Variants in ACADVL observed in about 807,000 individuals in gnomAD.
ACADVL encodes very long-chain acyl-CoA dehydrogenase, mitochondrial.
In ACADVL, 73 loss-of-function variants were observed where a neutral mutation model predicts 80.4. The observed-to-expected ratio is 0.91, with a 90% CI of 0.75 to 1.10. The LOEUF is 1.10. ACADVL is among the 50% of genes least tolerant of loss of function. The probability of loss-of-function intolerance (pLI) is 0.00; values close to 1 mark genes in which losing one functional copy is unlikely to be tolerated. For missense variants in ACADVL, 878 were observed against 858.9 expected (o/e 1.02, Z -0.28); for synonymous variants, 392 against 326.5 (o/e 1.20, Z -2.16).
At chr17:7,217,707 T>A, upstream of ACADVL, 1 of 1,532,942 alleles carries the variant, frequency 6.5e-7, no homozygotes, top group Non-Finnish European at 8.7e-7. Flanking sequence ...ACTCCTTCTG[T>A]GCTGGCAGGA....
chr17:7,223,657 T>C lies in ACADVL; in HGVS notation c.1196T>C (p.Met399Thr). ...ATGCAACCTCAGTCCATGGCTTACA[T>C]GGTGAGTGCTAACATGGACCAGGGA... is the stretch of plus-strand genomic sequence containing the variant. ...LQYVTESMAY[M>T]VSANMDQGAT... The change falls in exon 12 of 20, where the codon ATG becomes ACG. Residue 399 changes from methionine to threonine, a missense_variant. Transcript: ENST00000356839. 5 of 1,614,074 alleles carry C rather than the reference T, an allele frequency of 3.1e-6. No individual in the cohort carries two copies. In the South Asian group the frequency reaches 3.3e-5, roughly 11 times the overall value.
chr17:7,220,757 C>T lies in ACADVL; in HGVS notation c.278-9C>T. On this transcript the variant is annotated splice_polypyrimidine_tract_variant and intron_variant, in intron 4 of 19. Coordinates refer to ENST00000356839, the MANE Select transcript of ACADVL (RefSeq NM_000018.4). ...CTGGCCTGACCAGCCTGTCCCCCAC[C>T]CTCTGCAGTGCTCAACGAAGAGCAG... The T allele has an allele frequency of 1.2e-6, 2 of 1,614,118 alleles. No individual in the cohort carries two copies. Among genetic ancestry groups the T allele is most frequent in the African/African-American group, 2.7e-5 (2 of 75,018 alleles).
chr17:7,220,010 G>C lies in ACADVL; in HGVS notation c.26G>C (p.Ser9Thr), dbSNP rs770590027. 24 of 1,604,752 alleles carry C rather than the reference G, an allele frequency of 1.5e-5. No individual in the cohort carries two copies. Among genetic ancestry groups the C allele is most frequent in the Non-Finnish European group, 2.0e-5 (23 of 1,178,738 alleles). Residue 9 changes from serine to threonine, a missense_variant, in exon 1 of 20, where the codon AGC becomes ACC. Physicochemically the swap from Ser to Thr is moderately conservative, Grantham distance 58. Transcript: ENST00000356839. ...ATGCAGGCGGCTCGGATGGCCGCGAGCTTGGGGCGGCAGCTGCTGAGGCTC... is the reference window on the plus strand; with the variant it reads ...ATGCAGGCGGCTCGGATGGCCGCGACCTTGGGGCGGCAGCTGCTGAGGCTC... The part of the protein sequence containing the change: MQAARMAA[S>T]LGRQLLRLGG...
At chr17:7,218,770 C>A (rs372662664), upstream of ACADVL, 3 of 1,604,488 alleles carry the variant, frequency 1.9e-6, no homozygotes, top group Non-Finnish European at 2.6e-6. Context: ...GAAGGATCTC[C>A]GAGCCCCAGC....
chr17:7,218,968 T>G, upstream of ACADVL: 1 of 1,069,808 alleles, frequency 9.3e-7, no homozygotes, highest in Non-Finnish European at 1.4e-6. Flanking sequence ...AGCTGTCCCA[T>G]TCCCCCAGGT....
In ACADVL at chr17:7,220,519, C is replaced by T. The variant is rs28934585; in HGVS notation, c.194C>T (p.Pro65Leu). Residue 65 changes from proline to leucine, a missense_variant, in exon 3 of 20, where the codon CCG (proline) becomes CTG (leucine). Physicochemically the swap from Pro to Leu is moderately conservative, Grantham distance 98. Coordinates refer to ENST00000356839, the MANE Select transcript of ACADVL (RefSeq NM_000018.4). ...HPSDALTRKK[P>L]AKAESKSFAV... Reference sequence around the variant, plus strand: ...TCTGACGCTCTGACCAGGAAAAAACCGGCCAAGGCGGTAGGTAGCCCCGAG... The same window carrying T: ...TCTGACGCTCTGACCAGGAAAAAACTGGCCAAGGCGGTAGGTAGCCCCGAG... 9,614 of 1,614,186 alleles carry T rather than the reference C, an allele frequency of 6.0e-3. 494 individuals are homozygous for T. In the African/African-American group the frequency reaches 0.11, roughly 19 times the overall value.
In ACADVL at chr17:7,224,804, G is replaced by A. The variant is rs746305784; in HGVS notation, c.1752-5G>A. 16 of 1,613,868 alleles carry A rather than the reference G, an allele frequency of 9.9e-6. No individual in the cohort carries two copies. The highest frequency in any genetic ancestry group is 1.3e-5 in the Non-Finnish European group (15 of 1,180,012). On this transcript the variant is annotated splice_region_variant and splice_polypyrimidine_tract_variant and intron_variant, in intron 18 of 19. Transcript: ENST00000356839. ...GATTTATTTTCATCTCCTGCTTCCT[G>A]CCAGGGCCTCAAGATCCCTGAGTGA...
upstream of ACADVL, chr17:7,218,349 C>G: frequency 1.3e-6 from 2 of 1,531,414 alleles, no homozygotes; most frequent in Admixed American, 1.9e-5. Flanking sequence ...CCCCTGTCAT[C>G]ACCGCTGCTG....
chr17:7,224,985 C>T lies in ACADVL; in HGVS notation c.1856C>T (p.Ala619Val). Reference sequence around the variant, plus strand: ...GCAGCTCGGATCCGAGAGGGCATGGCCGCCCTGCAGTCTGACCCCTGGCAG... The same window carrying T: ...GCAGCTCGGATCCGAGAGGGCATGGTCGCCCTGCAGTCTGACCCCTGGCAG... ...EAAARIREGM[A>V]ALQSDPWQQE... The change falls in exon 20 of 20, where the codon GCC becomes GTC. Residue 619 changes from alanine to valine, a missense_variant. Ala to Val is a moderately conservative substitution (Grantham distance 64). Coordinates refer to ENST00000356839, the MANE Select transcript of ACADVL (RefSeq NM_000018.4). 1 of 1,614,104 alleles carries T rather than the reference C, an allele frequency of 6.2e-7. No individual in the cohort carries two copies.
chr17:7,222,767 G>A lies in ACADVL; in HGVS notation c.979G>A (p.Gly327Arg). ...VPSENVLGEVGSGFKVAMHIL... is the reference protein window; with the variant it reads ...VPSENVLGEVRSGFKVAMHIL... ...ATCGGAGAACGTGCTGGGTGAGGTT[G>A]GGAGTGGCTTCAAGGTTGCCATGCA... Residue 327 changes from glycine to arginine, a missense_variant, in exon 10 of 20, where the codon GGG (glycine) becomes AGG (arginine). By Grantham distance (125) the Gly-to-Arg change is moderately radical. Coordinates refer to ENST00000356839, the MANE Select transcript of ACADVL (RefSeq NM_000018.4). The A allele has an allele frequency of 6.2e-7, 1 of 1,614,140 alleles. No individual in the cohort carries two copies. The highest frequency in any genetic ancestry group is 2.2e-5 in the East Asian group (1 of 44,886).
At position 7,224,131 on chromosome 17, in the gene ACADVL, C is replaced by T. The variant is rs548935465; in HGVS notation, c.1435-15C>T. The T allele has an allele frequency of 5.0e-6, 8 of 1,613,798 alleles. No homozygotes were observed. Among genetic ancestry groups the T allele is most frequent in the East Asian group, 2.2e-5 (1 of 44,888 alleles). Reference sequence around the variant, plus strand: ...GGACAGTGAGTCCTGACTGCTGGACCCTCTTCCCCCATAGGACAAAGGAAA... The same window carrying T: ...GGACAGTGAGTCCTGACTGCTGGACTCTCTTCCCCCATAGGACAAAGGAAA... On this transcript the variant is annotated splice_polypyrimidine_tract_variant and intron_variant, in intron 14 of 19. Transcript: ENST00000356839.
Position 7,220,127 on chromosome 17 carries a change from G to A in ACADVL, c.68G>A (p.Arg23Gln), listed in dbSNP as rs34153370. The change falls in exon 2 of 20, where the codon CGG (arginine) becomes CAG (glutamine). Residue 23 changes from arginine to glutamine, a missense_variant. Arg to Gln is a conservative substitution (Grantham distance 43). Transcript: ENST00000356839. ...QLLRLGGGSS[R>Q]LTALLGQPRP... ...TGAACCCCCACTCCCCACAGCTCGCGGCTCACGGCGCTCCTGGGGCAGCCC... is the reference window on the plus strand; with the variant it reads ...TGAACCCCCACTCCCCACAGCTCGCAGCTCACGGCGCTCCTGGGGCAGCCC... The A allele has an allele frequency of 3.0e-4, 472 of 1,566,278 alleles. 8 individuals carry two copies. In the Admixed American group the frequency reaches 8.5e-3, roughly 28 times the overall value.
chr17:7,219,534 G>T (rs899922240), upstream of ACADVL: 34 of 1,078,266 alleles, frequency 3.2e-5, no homozygotes, highest in Non-Finnish European at 3.7e-5. Context: ...GGCCGAGATA[G>T]ATTTCATCAG....
At chr17:7,219,366 T>A, upstream of ACADVL, 1 of 1,006,410 alleles carries the variant, frequency 9.9e-7, no homozygotes, top group Non-Finnish European at 1.2e-6. Flanking sequence ...CTCAGAGGCT[T>A]TACTAAGGGA....
intron 11 of ACADVL, 82 bp from the exon 12 acceptor site, chr17:7,223,562 T>C: frequency 6.9e-7 from 1 of 1,454,356 alleles, no homozygotes; most frequent in South Asian, 1.1e-5. Flanking sequence ...TCAGCCCTTA[T>C]CTTGGAGATC....
At chr17:7,219,510 C>T (rs2071082669), upstream of ACADVL, 4 of 1,068,468 alleles carry the variant, frequency 3.7e-6, no homozygotes, top group South Asian at 2.8e-5. Context: ...CCACTGTACC[C>T]TCCCTTTTGT....
rs1002550581 is a variant in ACADVL, at chr17:7,222,438, T to A, written c.878+136T>A. On this transcript the variant is annotated intron_variant, in intron 9 of 19. Coordinates refer to ENST00000356839, the MANE Select transcript of ACADVL (RefSeq NM_000018.4). ...GACTGAATGTGGCCTTTGGGACTAA[T>A]ATGTATGCAACTGAGCTAAAGTTTT... The A allele has an allele frequency of 2.2e-6, 3 of 1,360,088 alleles. No individual in the cohort carries two copies. The African/African-American group carries it at 4.3e-5, about 20-fold the overall frequency. The allele number at this position is 1,360,088 out of a possible 1,614,324, so 84.3% of individuals were successfully genotyped here. A position where few individuals can be genotyped will look rare whatever the true frequency, so the allele number is the denominator to read the frequency against.
rs1186576451 is a variant in ACADVL at position 7,221,969 on chromosome 17, TTC to T, written c.642_643del (p.Phe214LeufsTer38). ...CCCAACAGGGGAGACTGTGGCCGCT[TTC>T]TGTCTAACCGAGCCCTCAAGCGGGT... ...KLASGETVAA[F>X]CLTEPSSGSD... On this transcript the variant is annotated frameshift_variant, in exon 8 of 20. Transcript: ENST00000356839. LOFTEE classifies it high-confidence loss of function. 1 of 1,613,994 alleles carries T rather than the reference TTC, an allele frequency of 6.2e-7. No homozygotes were observed. The highest frequency in any genetic ancestry group is 8.5e-7 in the Non-Finnish European group (1 of 1,180,024).
At chr17:7,223,589 G>A in intron 11 of ACADVL, 55 bp from the exon 12 acceptor site, 2 of 1,596,512 alleles carry the variant, frequency 1.3e-6, no homozygotes, top group Non-Finnish European at 1.7e-6. Flanking sequence ...ATGAGGCCAA[G>A]TCTGACAAAG....
Sources: gnomAD v4.1 joint callset for allele counts on GRCh38, gnomAD v4.1.1 for gene constraint, MANE v1.5 for transcripts, NCBI Gene and HGNC (gene_info 2026-07-23, HGNC 2026-07-21) for gene names.